Variants in PHTF2 observed in about 807,000 individuals in gnomAD.
PHTF2 encodes the protein protein PHTF2.
A neutral mutation model predicts 101.2 loss-of-function variants in PHTF2; 60 were observed. The ratio of observed to expected loss-of-function variants is 0.59; its 90% CI spans 0.48 to 0.73. PHTF2 has a LOEUF of 0.73. Ranked by LOEUF, PHTF2 falls within the 30% of genes least tolerant of loss-of-function variation. The pLI, the probability that PHTF2 is intolerant of heterozygous loss-of-function variation, is 0.00. For synonymous variants in PHTF2, 311 were observed against 307.3 expected, an observed-to-expected ratio of 1.01 and a Z score of -0.13; for missense variants, 747 against 908.7, an observed-to-expected ratio of 0.82 and a Z score of 2.29.
At chr7:77,927,177 A>AATATATATATATATATATATATAT (rs386410516) in intron 11 of PHTF2, among the ~76,000 whole-genome samples, 1 of 78,148 alleles carries the variant, frequency 1.3e-5, no homozygotes, top group African/African-American at 4.8e-5. Context: ...AAAAAAAAAA[A>AATATATATATATATATATATATAT]ATATATATAT....
intron 16 of PHTF2, among the ~76,000 whole-genome samples, chr7:77,948,305 T>A (rs1430723108): frequency 6.6e-6 from 1 of 152,172 alleles, no homozygotes; most frequent in African/African-American, 2.4e-5. Context: ...ACCTAATATA[T>A]GATCAGATGG....
Position 77,891,429 on chromosome 7 carries a change from TAA to T in PHTF2, c.148-2178_148-2177del, listed in dbSNP as rs1183268224. On this transcript the variant is annotated intron_variant, in intron 3 of 19. Coordinates refer to ENST00000416283, the Ensembl canonical transcript of PHTF2. ...CGCAGGTCACCTCTACCATTAGGAC[TAA>T]CCAGTTGGTTGTTGTTTACCTAGAG... Among the ~76,000 whole-genome samples the T allele has an allele frequency of 8.5e-3, 1,300 of 152,262 alleles. 20 individuals are homozygous for T. Among genetic ancestry groups the T allele is most frequent in the African/African-American group, 0.03 (1,226 of 41,544 alleles).
At chr7:77,880,580 C>T (rs1056688521) in intron 3 of PHTF2, among the ~76,000 whole-genome samples, 14 of 152,086 alleles carry the variant, frequency 9.2e-5, no homozygotes, top group African/African-American at 2.2e-4. Context: ...TCATCCTTCT[C>T]GCCCTGCTCA....
At chr7:77,926,385 G>C (rs1160230885) in intron 11 of PHTF2, among the ~76,000 whole-genome samples, 2 of 151,962 alleles carry the variant, frequency 1.3e-5, no homozygotes, top group Non-Finnish European at 1.5e-5. Flanking sequence ...TTGTATATTT[G>C]TTTTTACTTA....
At chr7:77,889,003 G>A (rs550848411) in intron 3 of PHTF2, among the ~76,000 whole-genome samples, 1 of 152,274 alleles carries the variant, frequency 6.6e-6, no homozygotes, top group African/African-American at 2.4e-5. Flanking sequence ...GAAATGGTTT[G>A]GGTATATTTG....
At chr7:77,905,734 G>A (rs975554168) in intron 7 of PHTF2, among the ~76,000 whole-genome samples, 3 of 151,604 alleles carry the variant, frequency 2.0e-5, no homozygotes, top group Admixed American at 2.0e-4. Flanking sequence ...CTGGGCTAAA[G>A]CAGTCCACCC....
chr7:77,906,008 A>G (rs1470488420), intron 7 of PHTF2, among the ~76,000 whole-genome samples: 1 of 150,688 alleles, frequency 6.6e-6, no homozygotes, highest in African/African-American at 2.4e-5. Flanking sequence ...TTTGAGACGG[A>G]GTCTCGCTCT....
At chr7:77,804,147 T>C (rs1297370108) in intron 1 of PHTF2, among the ~76,000 whole-genome samples, 1 of 152,238 alleles carries the variant, frequency 6.6e-6, no homozygotes, top group African/African-American at 2.4e-5. Flanking sequence ...TCCTGGGGGA[T>C]AGAGCAAGCT....
intron 8 of PHTF2, chr7:77,909,183 T>C (rs1282253533): frequency 5.4e-6 from 2 of 371,716 alleles, no homozygotes; most frequent in Admixed American, 4.3e-5. Flanking sequence ...TTTTTTTTTT[T>C]CCTTGAAGCT....
intron 3 of PHTF2, among the ~76,000 whole-genome samples, chr7:77,876,874 G>T (rs1798987971): frequency 1.3e-5 from 2 of 152,160 alleles, no homozygotes; most frequent in Admixed American, 1.3e-4. Context: ...AATTTTCAAT[G>T]ATTTCCACTC....
intron 3 of PHTF2, among the ~76,000 whole-genome samples, chr7:77,857,088 G>C (rs1797243357): frequency 6.6e-6 from 1 of 152,214 alleles, no homozygotes. Flanking sequence ...GGCAAGGCCA[G>C]AGATGGTTCT....
intron 3 of PHTF2, among the ~76,000 whole-genome samples, chr7:77,889,900 A>G (rs1465429879): frequency 2.6e-5 from 4 of 152,026 alleles, no homozygotes; most frequent in Non-Finnish European, 5.9e-5. Flanking sequence ...TGCCTGGCCT[A>G]TCTGGTAGTA....
At chr7:77,950,071 G>T (rs1243253066) in intron 17 of PHTF2, among the ~76,000 whole-genome samples, 1 of 152,072 alleles carries the variant, frequency 6.6e-6, no homozygotes, top group East Asian at 1.9e-4. Flanking sequence ...AGTACCATTT[G>T]TTAAATTAAT....
intron 1 of PHTF2, among the ~76,000 whole-genome samples, chr7:77,815,442 A>G (rs1016358327): frequency 6.6e-6 from 1 of 152,188 alleles, no homozygotes; most frequent in Middle Eastern, 3.2e-3. Flanking sequence ...AGCTATAACT[A>G]TTTGGAAATT....
intron 2 of PHTF2, among the ~76,000 whole-genome samples, chr7:77,841,683 T>G (rs1795899026): frequency 6.6e-6 from 1 of 152,206 alleles, no homozygotes; most frequent in South Asian, 2.1e-4. Context: ...ATTTTTCATA[T>G]GAGGTACTTT....
At chr7:77,926,534 G>A (rs936454182) in intron 11 of PHTF2, among the ~76,000 whole-genome samples, 1 of 151,648 alleles carries the variant, frequency 6.6e-6, no homozygotes, top group African/African-American at 2.4e-5. Context: ...TATTAATAAT[G>A]TACCTCATTC....
chr7:77,951,781 TATAG>T, intron 18 of PHTF2, 69 bp downstream of exon 17: 1 of 688,028 alleles, frequency 1.5e-6, no homozygotes, highest in Non-Finnish European at 2.4e-6. Flanking sequence ...TTTTTTTGTT[TATAG>T]ATATTACTTT....
intron 3 of PHTF2, among the ~76,000 whole-genome samples, chr7:77,857,436 C>G (rs1584503745): frequency 6.6e-6 from 1 of 152,190 alleles, no homozygotes; most frequent in Non-Finnish European, 1.5e-5. Context: ...GGAATTCTCC[C>G]TTTGTTGAAG....
At chr7:77,847,367 A>G (rs180750625) in intron 2 of PHTF2, among the ~76,000 whole-genome samples, 106 of 145,716 alleles carry the variant, frequency 7.3e-4, no homozygotes, top group African/African-American at 2.3e-3. Context: ...GCTTTATAGT[A>G]TGATAAGGTT....
Sources: gnomAD v4.1 joint callset for allele counts (sites outside exome capture counted in the v4.1 genomes callset) on GRCh38, gnomAD v4.1.1 for gene constraint, MANE v1.5 for transcripts, NCBI Gene and HGNC (gene_info 2026-07-23, HGNC 2026-07-21) for gene names.